Variants in ETFA observed in about 807,000 individuals in gnomAD.
ETFA encodes electron transfer flavoprotein subunit alpha, mitochondrial.
ETFA carries 22 observed loss-of-function variants against 46.2 expected under a neutral mutation model. That is an observed-to-expected ratio of 0.48 (90% CI 0.34 to 0.68). The LOEUF (loss-of-function observed/expected upper bound fraction) is 0.68. ETFA is among the 30% of genes least tolerant of loss of function. ETFA has a pLI of 0.01. For missense variants in ETFA, 345 were observed against 401.1 expected (o/e 0.86, Z 1.19); for synonymous variants, 131 against 139.9 (o/e 0.94, Z 0.45).
chr15:76,224,609 T>C (rs967956360), intron 11 of ETFA, among the ~76,000 whole-genome samples: 4 of 152,196 alleles, frequency 2.6e-5, no homozygotes, highest in Non-Finnish European at 4.4e-5. Flanking sequence ...GTCACAGAAA[T>C]GGGCCAGTCC....
intron 11 of ETFA, among the ~76,000 whole-genome samples, chr15:76,225,021 T>C (rs1420641256): frequency 1.3e-5 from 2 of 151,884 alleles, no homozygotes; most frequent in Non-Finnish European, 2.9e-5. Flanking sequence ...AAATAAGTGC[T>C]CTCCCTACAC....
chr15:76,299,929 C>T (rs999403822), intron 1 of ETFA, among the ~76,000 whole-genome samples: 1 of 152,180 alleles, frequency 6.6e-6, no homozygotes, highest in African/African-American at 2.4e-5. Flanking sequence ...TGAGGCTCTC[C>T]CCATTTGCAA....
chr15:76,255,362 A>G (rs2039337520), intron 9 of ETFA, among the ~76,000 whole-genome samples: 1 of 152,230 alleles, frequency 6.6e-6, no homozygotes, highest in Admixed American at 6.5e-5. Flanking sequence ...AAAAGCTGTT[A>G]TTTTAGCTTT....
At chr15:76,251,103 G>C (rs530154089) in intron 9 of ETFA, among the ~76,000 whole-genome samples, 24 of 152,152 alleles carry the variant, frequency 1.6e-4, no homozygotes, top group African/African-American at 5.8e-4. Flanking sequence ...GAGGTGAAAG[G>C]GGCAGTAGGT....
At chr15:76,267,616 A>C (rs1319053000) in intron 9 of ETFA, among the ~76,000 whole-genome samples, 3 of 152,198 alleles carry the variant, frequency 2.0e-5, no homozygotes, top group Non-Finnish European at 4.4e-5. Flanking sequence ...AGTTTTTCAA[A>C]CTGACATTGC....
intron 1 of ETFA, chr15:76,310,068 CAAAAAAAAAAAAA>C (rs71143312): frequency 5.1e-4 from 37 of 71,926 alleles, no homozygotes; most frequent in South Asian, 2.1e-3. Flanking sequence ...CCCGTCTCTA[CAAAAAAAAAAAAA>C]AAAAAAAAAA....
rs116337371 is a variant in ETFA, at chr15:76,253,804, T to G, written c.816+20608A>C. Among the ~76,000 whole-genome samples the G allele has an allele frequency of 2.4e-3, 372 of 152,308 alleles. 2 individuals are homozygous for G. The highest frequency in any genetic ancestry group is 8.5e-3 in the African/African-American group (354 of 41,578). On this transcript the variant is annotated intron_variant, in intron 9 of 11. Coordinates refer to ENST00000557943, the MANE Select transcript of ETFA (RefSeq NM_000126.4). ...TAATGCATTATTAAGTAGCATTAAT[T>G]AAAATATTATTTAGGGAGATAATAA... is the stretch of plus-strand genomic sequence containing the variant.
At chr15:76,288,299 G>T (rs980947381) in intron 4 of ETFA, among the ~76,000 whole-genome samples, 3 of 152,056 alleles carry the variant, frequency 2.0e-5, no homozygotes, top group Non-Finnish European at 2.9e-5. Flanking sequence ...AAATTTAGAA[G>T]GGTGGTAAAA....
Position 76,311,226 on chromosome 15 carries a change from G to C in ETFA, c.39+124C>G, listed in dbSNP as rs879242666. ...AACTTTGGACCCAAGTCCCAGGCGG[G>C]GACCGGCCTGCGGGCGCGAGGGCTG... is the stretch of plus-strand genomic sequence containing the variant. On this transcript the variant is annotated intron_variant, in intron 1 of 11. Transcript: ENST00000557943. 4.3e-6 allele frequency: 5 copies of C among 1,170,286 alleles called. No homozygotes were observed. The African/African-American group carries it at 6.1e-5, about 14-fold the overall frequency. The allele number at this position is 1,170,286 out of a possible 1,614,324, so 72.5% of individuals were successfully genotyped here.
chr15:76,245,235 T>C (rs1447249690), intron 9 of ETFA: 2 of 152,322 alleles, frequency 1.3e-5, no homozygotes, highest in East Asian at 1.9e-4. Context: ...CCATACAGCA[T>C]TTCTCTCTGT....
chr15:76,257,538 G>A (rs2039357103), intron 9 of ETFA, among the ~76,000 whole-genome samples: 1 of 152,168 alleles, frequency 6.6e-6, no homozygotes, highest in East Asian at 1.9e-4. Flanking sequence ...GAGAGGATGT[G>A]GAGAAAGAGG....
At chr15:76,309,471 C>T (rs183297137) in intron 1 of ETFA, among the ~76,000 whole-genome samples, 2 of 151,380 alleles carry the variant, frequency 1.3e-5, no homozygotes, top group Non-Finnish European at 2.9e-5. Flanking sequence ...AACAAACAAA[C>T]AAAAAAAACA....
chr15:76,273,640 A>G (rs1398637018), intron 9 of ETFA, among the ~76,000 whole-genome samples: 1 of 152,146 alleles, frequency 6.6e-6, no homozygotes, highest in African/African-American at 2.4e-5. Context: ...AGCATCTTAA[A>G]ACTGTGAATG....
chr15:76,309,173 G>T (rs181395679), intron 1 of ETFA, among the ~76,000 whole-genome samples: 11 of 152,290 alleles, frequency 7.2e-5, no homozygotes, highest in African/African-American at 2.6e-4. Context: ...TTCTAGGCTG[G>T]GCGCGGTGGC....
chr15:76,260,176 C>T (rs2039392385), intron 9 of ETFA: 3 of 1,429,440 alleles, frequency 2.1e-6, no homozygotes, highest in Admixed American at 1.7e-5. Flanking sequence ...GGGATGAGCA[C>T]ATCCTCCAGT....
At chr15:76,277,928 C>T (rs1464055187) in intron 8 of ETFA, among the ~76,000 whole-genome samples, 3 of 152,196 alleles carry the variant, frequency 2.0e-5, no homozygotes, top group Non-Finnish European at 4.4e-5. Context: ...TTGTGATTAT[C>T]TGTATTTGCT....
chr15:76,225,748 A>G (rs1253205118), intron 11 of ETFA, 101 bp downstream of exon 11: 2 of 833,312 alleles, frequency 2.4e-6, no homozygotes, highest in Non-Finnish European at 2.1e-6. Flanking sequence ...CAGACACACA[A>G]ACACACAATG....
At chr15:76,267,446 T>G (rs2039481336) in intron 9 of ETFA, among the ~76,000 whole-genome samples, 1 of 152,354 alleles carries the variant, frequency 6.6e-6, no homozygotes, top group South Asian at 2.1e-4. Context: ...GTTGGCATTC[T>G]TGATAATTAT....
At chr15:76,243,012 A>C (rs2039206884) in intron 9 of ETFA, among the ~76,000 whole-genome samples, 1 of 152,218 alleles carries the variant, frequency 6.6e-6, no homozygotes, top group Non-Finnish European at 1.5e-5. Flanking sequence ...AAATCGTTAA[A>C]ACAACTGGGT....
Sources: allele counts gnomAD v4.1 joint callset (sites outside exome capture counted in the v4.1 genomes callset), GRCh38; gene constraint gnomAD v4.1.1; transcripts MANE v1.5; gene names NCBI Gene and HGNC (gene_info 2026-07-23, HGNC 2026-07-21).